The following MCTP1 variants were observed in gnomAD, a reference collection of about 807,000 sequenced individuals.
MCTP1 encodes multiple C2 and transmembrane domain-containing protein 1.
MCTP1 carries 69 observed loss-of-function variants against 120.6 expected under a neutral mutation model. That is an observed-to-expected ratio of 0.57 (90% CI 0.47 to 0.70). The LOEUF is 0.70. Ranked by LOEUF, MCTP1 falls within the 30% of genes least tolerant of loss-of-function variation. The pLI is 0.00. For synonymous variants in MCTP1, 529 were observed against 493.1 expected (o/e 1.07, Z -0.96); for missense variants, 1,203 against 1,248.8 (o/e 0.96, Z 0.55).
intron 18 of MCTP1, among the ~76,000 whole-genome samples, chr5:94,780,564 T>C (rs998395111): frequency 6.6e-6 from 1 of 152,140 alleles, no homozygotes; most frequent in Non-Finnish European, 1.5e-5. Context: ...GTCTTTCATT[T>C]GGACATTCAG....
At chr5:94,708,442 A>T in intron 22 of MCTP1, 70 bp downstream of exon 22, 1 of 909,682 alleles carries the variant, frequency 1.1e-6, no homozygotes, top group Non-Finnish European at 1.8e-6. Context: ...AATTAGAAGG[A>T]TATAAAAGCT....
intron 19 of MCTP1, among the ~76,000 whole-genome samples, chr5:94,751,808 T>C (rs1768391056): frequency 1.3e-5 from 2 of 151,866 alleles, no homozygotes; most frequent in African/African-American, 4.8e-5. Flanking sequence ...AGGATCAACG[T>C]TCCAGATGAA....
chr5:95,115,353 G>T (rs1757744412), intron 1 of MCTP1, among the ~76,000 whole-genome samples: 1 of 152,044 alleles, frequency 6.6e-6, no homozygotes, highest in Admixed American at 6.6e-5. Context: ...AAAAATAGCT[G>T]TCTTGAGGAA....
At chr5:94,981,103 T>C (rs1829305206) in intron 2 of MCTP1, among the ~76,000 whole-genome samples, 1 of 152,192 alleles carries the variant, frequency 6.6e-6, no homozygotes, top group South Asian at 2.1e-4. Flanking sequence ...GCGTCACTGA[T>C]AGAGACAAAG....
At chr5:95,022,454 T>A (rs1838382104) in intron 1 of MCTP1, among the ~76,000 whole-genome samples, 1 of 152,204 alleles carries the variant, frequency 6.6e-6, no homozygotes, top group African/African-American at 2.4e-5. Context: ...TATATCTTTA[T>A]TTTCCATTAC....
At chr5:94,860,109 G>C (rs140925361) in intron 17 of MCTP1, among the ~76,000 whole-genome samples, 302 of 151,440 alleles carry the variant, frequency 2.0e-3, no homozygotes, top group South Asian at 6.3e-3. Context: ...TGGTGAACTG[G>C]GTAACTTGCC....
chr5:94,905,532 G>A (rs1806600019), intron 10 of MCTP1, among the ~76,000 whole-genome samples: 1 of 152,140 alleles, frequency 6.6e-6, no homozygotes, highest in Non-Finnish European at 1.5e-5. Flanking sequence ...TGATAGAGAT[G>A]ATGAGCGGTC....
chr5:94,967,368 T>C (rs1286822289), intron 2 of MCTP1, among the ~76,000 whole-genome samples: 1 of 152,204 alleles, frequency 6.6e-6, no homozygotes, highest in Non-Finnish European at 1.5e-5. Context: ...CAAGCCAATG[T>C]GATGAGTTCT....
At chr5:94,726,723 G>A (rs1216513641) in intron 19 of MCTP1, among the ~76,000 whole-genome samples, 2 of 152,290 alleles carry the variant, frequency 1.3e-5, no homozygotes, top group Non-Finnish European at 2.9e-5. Context: ...TCAGGAAAGT[G>A]AGGCTTGGAG....
At chr5:95,019,639 C>T (rs768271733) in intron 1 of MCTP1, among the ~76,000 whole-genome samples, 3 of 152,062 alleles carry the variant, frequency 2.0e-5, no homozygotes, top group Admixed American at 1.3e-4. Context: ...ACATAATTCA[C>T]GCTTCTATCA....
chr5:94,710,687 G>T, intron 21 of MCTP1, 131 bp downstream of exon 21: 1 of 607,658 alleles, frequency 1.6e-6, no homozygotes, highest in Non-Finnish European at 2.9e-6. Context: ...TAACCAACCT[G>T]TCTCTTTTCA....
chr5:95,073,373 A>G (rs1235247256), intron 1 of MCTP1, among the ~76,000 whole-genome samples: 1 of 152,048 alleles, frequency 6.6e-6, no homozygotes, highest in East Asian at 1.9e-4. Context: ...CTTTGGCTTA[A>G]GACTAAGGGT....
At chr5:94,746,032 A>G (rs1198022768) in intron 19 of MCTP1, among the ~76,000 whole-genome samples, 4 of 152,206 alleles carry the variant, frequency 2.6e-5, no homozygotes, top group Admixed American at 6.5e-5. Flanking sequence ...TATCTGTCCT[A>G]TGTTATCAAG....
intron 12 of MCTP1, chr5:94,877,516 T>G (rs1274129662): frequency 5.9e-5 from 9 of 152,086 alleles, no homozygotes; most frequent in South Asian, 2.1e-4. Flanking sequence ...AATCCTTTTT[T>G]GGGGGTGAAA....
chr5:94,850,670 T>A (rs976440433), intron 17 of MCTP1, among the ~76,000 whole-genome samples: 1 of 152,142 alleles, frequency 6.6e-6, no homozygotes, highest in African/African-American at 2.4e-5. Flanking sequence ...TTTCCCTCTT[T>A]ATCTTTTGAA....
At chr5:94,899,310 G>A (rs73136021) in intron 10 of MCTP1, among the ~76,000 whole-genome samples, 2,105 of 152,230 alleles carry the variant, frequency 0.014, 52 homozygotes, top group African/African-American at 0.047. Flanking sequence ...TCAGCTGTTC[G>A]CTTTGCCTCA....
chr5:95,214,102 G>C (rs1462001702), intron 1 of MCTP1, among the ~76,000 whole-genome samples: 3 of 152,310 alleles, frequency 2.0e-5, no homozygotes, highest in Middle Eastern at 3.4e-3. Flanking sequence ...AGAAAATTTT[G>C]GCAACCTACT....
intron 1 of MCTP1, among the ~76,000 whole-genome samples, chr5:95,279,729 G>A (rs1760158683): frequency 6.6e-6 from 1 of 152,230 alleles, no homozygotes; most frequent in East Asian, 1.9e-4. Context: ...AGCAAGTAAA[G>A]GTTAAAGGGA....
At chr5:95,027,457 G>A (rs1340618001) in intron 1 of MCTP1, among the ~76,000 whole-genome samples, 1 of 152,210 alleles carries the variant, frequency 6.6e-6, no homozygotes, top group Non-Finnish European at 1.5e-5. Flanking sequence ...AACAGTAGCT[G>A]CTAAGCTGAA....
Sources: allele counts gnomAD v4.1 joint callset (sites outside exome capture counted in the v4.1 genomes callset), GRCh38; gene constraint gnomAD v4.1.1; transcripts MANE v1.5; gene names NCBI Gene and HGNC (gene_info 2026-07-23, HGNC 2026-07-21).